Variants in ZBTB16 observed in about 807,000 individuals in gnomAD.
The protein encoded by ZBTB16 is zinc finger and BTB domain-containing protein 16.
ZBTB16 carries 8 observed loss-of-function variants against 56.8 expected under a neutral mutation model. The ratio of observed to expected loss-of-function variants is 0.14; its 90% CI spans 0.08 to 0.25. The LOEUF is 0.25. Among genes scored for constraint, ZBTB16 ranks in the 10% least tolerant of loss-of-function variants. The pLI, the probability that ZBTB16 is intolerant of heterozygous loss-of-function variation, is 1.00. For missense variants in ZBTB16, 625 were observed against 903.0 expected (o/e 0.69, Z 3.95); for synonymous variants, 363 against 368.5 (o/e 0.98, Z 0.17).
chr11:114,142,343 A>G (rs1272780619), intron 2 of ZBTB16, among the ~76,000 whole-genome samples: 1 of 152,214 alleles, frequency 6.6e-6, no homozygotes, highest in East Asian at 1.9e-4. Flanking sequence ...TTGAAATGAC[A>G]AAGTACCCTT....
chr11:114,189,790 C>G (rs570572040), intron 4 of ZBTB16: 3 of 150,302 alleles, frequency 2.0e-5, no homozygotes, highest in African/African-American at 7.3e-5. Flanking sequence ...AGGTTAAACA[C>G]AGAATTATCA....
At chr11:114,082,394 A>T (rs1463423330) in intron 2 of ZBTB16, among the ~76,000 whole-genome samples, 1 of 152,192 alleles carries the variant, frequency 6.6e-6, no homozygotes, top group Non-Finnish European at 1.5e-5. Flanking sequence ...AGTGTACTTA[A>T]CACACTCTGC....
chr11:114,232,179 AC>A (rs1202236030), intron 4 of ZBTB16, among the ~76,000 whole-genome samples: 1 of 152,050 alleles, frequency 6.6e-6, no homozygotes, highest in Admixed American at 6.5e-5. Flanking sequence ...AGACCAAGGG[AC>A]CCATATTTCT....
intron 4 of ZBTB16, among the ~76,000 whole-genome samples, chr11:114,227,402 TC>T (rs1323232073): frequency 1.3e-5 from 2 of 152,248 alleles, no homozygotes; most frequent in East Asian, 3.9e-4. Flanking sequence ...ACAAAGCCTA[TC>T]CCCCCTCATG....
chr11:114,201,083 T>C (rs1278563845), intron 4 of ZBTB16, among the ~76,000 whole-genome samples: 2 of 152,192 alleles, frequency 1.3e-5, no homozygotes, highest in Non-Finnish European at 2.9e-5. Flanking sequence ...GCTCCACCAT[T>C]GATGTTTACT....
At position 114,143,746 on chromosome 11, in the gene ZBTB16, C is replaced by T. The variant is rs532196862; in HGVS notation, c.1269-12591C>T. 3.0e-4 allele frequency among the ~76,000 whole-genome samples: 45 copies of T among 152,276 alleles called. No homozygotes were observed. Among genetic ancestry groups the T allele is most frequent in the African/African-American group, 9.1e-4 (38 of 41,556 alleles). On this transcript the variant is annotated intron_variant, in intron 2 of 6. Transcript: ENST00000335953. This position sits in a 1 kb window ranked among gnomAD's most constrained non-coding sequence, Gnocchi z 6.4. ...ATCATCTAAGCACAGGGCACCCAGG[C>T]GGGTAGCACAGGTGGCTTAGCAAAT...
rs113522699 is a variant in ZBTB16, at chr11:114,250,649, G to GAA, written c.*104_*105dup. On this transcript the variant is annotated 3_prime_UTR_variant, in exon 7 of 7. Transcript: ENST00000335953. This position sits in a 1 kb window ranked among gnomAD's most constrained non-coding sequence, Gnocchi z 6.0. ...GACTATGACAAATAAAAAAGGAAAAGAAAAAAAAAAACAGAAGGAAAAGGA... is the reference window on the plus strand; with the variant it reads ...GACTATGACAAATAAAAAAGGAAAAGAAAAAAAAAAAAACAGAAGGAAAAGGA... 3.4e-4 allele frequency: 341 copies of GAA among 999,936 alleles called. No homozygotes were observed. The highest frequency in any genetic ancestry group is 4.2e-4 in the Non-Finnish European group (298 of 713,296). The allele number at this position is 999,936 out of a possible 1,614,324, so 61.9% of individuals were successfully genotyped here.
In ZBTB16 at chr11:114,209,440, T is replaced by C. The variant is rs371330423; in HGVS notation, c.1453+22402T>C. 2.3e-5 allele frequency: 23 copies of C among 985,368 alleles called. No individual in the cohort carries two copies. In the East Asian group the frequency reaches 1.6e-3, roughly 68 times the overall value. The allele number at this position is 985,368 out of a possible 1,614,324, so 61.0% of individuals were successfully genotyped here. A position where few individuals can be genotyped will look rare whatever the true frequency, so the allele number is the denominator to read the frequency against. On this transcript the variant is annotated intron_variant, in intron 4 of 6. Transcript: ENST00000335953. Reference sequence around the variant, plus strand: ...GGCAAAAACAGGAGACCCCGGTGCCTGGATTCAGAGCCTTCACATTCCGGA... The same window carrying C: ...GGCAAAAACAGGAGACCCCGGTGCCCGGATTCAGAGCCTTCACATTCCGGA...
intron 3 of ZBTB16, among the ~76,000 whole-genome samples, chr11:114,162,773 G>T (rs1204345598): frequency 6.6e-6 from 1 of 152,182 alleles, no homozygotes; most frequent in East Asian, 1.9e-4. Flanking sequence ...TGGCTCAGAG[G>T]CCAGGCTGCC....
chr11:114,165,435 G>GCA (rs1942722146), intron 3 of ZBTB16, among the ~76,000 whole-genome samples: 1 of 152,222 alleles, frequency 6.6e-6, no homozygotes, highest in Admixed American at 6.5e-5. Context: ...CCAGTACTGT[G>GCA]CACCTGAGTG....
Position 114,169,217 on chromosome 11 carries a change from C to T in ZBTB16, c.1366+12783C>T, listed in dbSNP as rs76538895. 5.2e-3 allele frequency among the ~76,000 whole-genome samples: 790 copies of T among 152,256 alleles called. 5 individuals carry two copies. The highest frequency in any genetic ancestry group is 0.017 in the African/African-American group (722 of 41,550). On this transcript the variant is annotated intron_variant, in intron 3 of 6. Coordinates refer to ENST00000335953, the MANE Select transcript of ZBTB16 (RefSeq NM_006006.6). ...AAGGGGCAGCCGACCTGTGCTGCAG[C>T]CCAGAAATGTGAGAGCTGTGACCAC...
intron 2 of ZBTB16, among the ~76,000 whole-genome samples, chr11:114,126,949 T>C (rs1941525101): frequency 1.3e-5 from 2 of 152,160 alleles, no homozygotes; most frequent in Non-Finnish European, 2.9e-5. Flanking sequence ...AATAGTCTCT[T>C]CTCCGCAGCA....
intron 2 of ZBTB16, among the ~76,000 whole-genome samples, chr11:114,094,142 C>T (rs543511409): frequency 3.3e-5 from 5 of 152,062 alleles, no homozygotes; most frequent in South Asian, 2.1e-4. Flanking sequence ...GGTGAAAGCC[C>T]GTCTCTACTA....
intron 4 of ZBTB16, among the ~76,000 whole-genome samples, chr11:114,205,176 G>T (rs968411189): frequency 6.6e-6 from 1 of 152,092 alleles, no homozygotes; most frequent in Non-Finnish European, 1.5e-5. Flanking sequence ...TTGGGAGGCC[G>T]AGGTGGGCGG....
chr11:114,084,764 G>A (rs891403724), intron 2 of ZBTB16, among the ~76,000 whole-genome samples: 2 of 152,204 alleles, frequency 1.3e-5, no homozygotes, highest in Non-Finnish European at 2.9e-5. Flanking sequence ...GATCATCTGG[G>A]AATGTTGCTT....
chr11:114,135,180 T>C (rs1435828553), intron 2 of ZBTB16, among the ~76,000 whole-genome samples: 1 of 152,118 alleles, frequency 6.6e-6, no homozygotes. Context: ...GTGCCTGGGG[T>C]ATTAGGAAGG....
At chr11:114,209,575 A>G (rs1051483857) in intron 4 of ZBTB16, 2 of 985,218 alleles carry the variant, frequency 2.0e-6, no homozygotes, top group Non-Finnish European at 2.4e-6. Context: ...TGACACTTGG[A>G]CAATCATTTC....
intron 4 of ZBTB16, among the ~76,000 whole-genome samples, chr11:114,194,429 C>T (rs533329578): frequency 1.5e-4 from 23 of 152,266 alleles, no homozygotes; most frequent in African/African-American, 2.6e-4. Flanking sequence ...AAGATCTTGA[C>T]GGGCTCAAGC....
chr11:114,247,386 GC>G lies in ZBTB16; in HGVS notation c.1792+23del, dbSNP rs554271199. ...CACAGGTACCGAAGGCCAGGGAGGG[GC>G]CTGAGCTGGCTCTGGGACCTGGGCG... On this transcript the variant is annotated intron_variant, in intron 6 of 6. Transcript: ENST00000335953. The G allele has an allele frequency of 6.7e-3, 10,858 of 1,613,994 alleles. 39 individuals carry two copies. Among genetic ancestry groups the G allele is most frequent in the Non-Finnish European group, 7.9e-3 (9,311 of 1,179,852 alleles).
Sources: gnomAD v4.1 joint callset for allele counts (sites outside exome capture counted in the v4.1 genomes callset) on GRCh38, gnomAD v4.1.1 for gene constraint, Gnocchi (gnomAD v3.1) non-coding constraint, MANE v1.5 for transcripts, NCBI Gene and HGNC (gene_info 2026-07-23, HGNC 2026-07-21) for gene names.